The following AJAP1 variants were observed in gnomAD, a reference collection of about 807,000 sequenced individuals.
AJAP1 encodes the protein adherens junctions associated protein 1.
A neutral mutation model predicts 35.0 loss-of-function variants in AJAP1; 5 were observed. That is an observed-to-expected ratio of 0.14 (90% CI 0.07 to 0.30). The LOEUF is 0.30. AJAP1 is among the 10% of genes least tolerant of loss of function. The pLI is 1.00. For missense variants in AJAP1, 586 were observed against 571.0 expected (o/e 1.03, Z -0.27); for synonymous variants, 284 against 249.3 (o/e 1.14, Z -1.31).
intron 1 of AJAP1, among the ~76,000 whole-genome samples, chr1:4,698,801 C>T (rs999568237): frequency 6.6e-6 from 1 of 152,198 alleles, no homozygotes; most frequent in Non-Finnish European, 1.5e-5. Flanking sequence ...GTGTGCCCTC[C>T]GATGTGCCAG....
chr1:4,712,266 TTCGTCCTCGTCC>T lies in AJAP1; in HGVS notation c.405_416del (p.Ser136_Ser139del). ...CCAAATCCAGCCCTTCCCTCGCCTCTTCGTCCTCGTCCTCGTCCTCCGCGGTGGCCGGTGGGG... is the reference window on the plus strand; with the variant it reads ...CCAAATCCAGCCCTTCCCTCGCCTCTTCGTCCTCCGCGGTGGCCGGTGGGG... On this transcript the variant is annotated inframe_deletion, in exon 2 of 6. Transcript: ENST00000378191. 6.6e-7 allele frequency: 1 copy of T among 1,522,648 alleles called. No homozygotes were observed. The highest frequency in any genetic ancestry group is 8.8e-7 in the Non-Finnish European group (1 of 1,139,636). The allele number at this position is 1,522,648 out of a possible 1,614,324, so 94.3% of individuals were successfully genotyped here.
intron 2 of AJAP1, among the ~76,000 whole-genome samples, chr1:4,740,522 A>C (rs1170099159): frequency 6.6e-6 from 1 of 151,844 alleles, no homozygotes; most frequent in East Asian, 1.9e-4. Flanking sequence ...ACGGTGGCTC[A>C]CGCCTGTCAT....
intron 2 of AJAP1, among the ~76,000 whole-genome samples, chr1:4,743,927 AGAGCTCTCCAG>A (rs1184702318): frequency 8.9e-5 from 8 of 89,476 alleles, no homozygotes; most frequent in African/African-American, 3.3e-4. Context: ...CATCACTGAG[AGAGCTCTCCAG>A]GCTCTCCAGG....
rs1394322608 is a variant in AJAP1 at position 4,791,785 on chromosome 1, A to G, written c.*9300A>G. 2 of 152,222 alleles carry G rather than the reference A, an allele frequency of 1.3e-5. No homozygotes were observed. Among genetic ancestry groups the G allele is most frequent in the Non-Finnish European group, 2.9e-5 (2 of 68,054 alleles). The allele number at this position is 152,222 out of a possible 1,614,324, so 9.4% of individuals were successfully genotyped here. A position where few individuals can be genotyped will look rare whatever the true frequency, so the allele number is the denominator to read the frequency against. On this transcript the variant is annotated 3_prime_UTR_variant, in exon 6 of 6. Transcript: ENST00000378191. ...TCTGTCTAAGAGTCACAGATCTGAG[A>G]AATAGAAGGACCAGGTCCGTGTGGA...
intron 1 of AJAP1, among the ~76,000 whole-genome samples, chr1:4,688,362 A>G (rs761853177): frequency 6.6e-6 from 1 of 152,224 alleles, no homozygotes; most frequent in African/African-American, 2.4e-5. Context: ...TGTGAGAAAC[A>G]TAACTATTCC....
rs940694392 is a variant in AJAP1, at chr1:4,790,919, T to C, written c.*8434T>C. The C allele has an allele frequency of 6.8e-6, 1 of 146,544 alleles. No homozygotes were observed. Among genetic ancestry groups the C allele is most frequent in the African/African-American group, 2.5e-5 (1 of 39,732 alleles). The allele number at this position is 146,544 out of a possible 1,614,324, so 9.1% of individuals were successfully genotyped here. On this transcript the variant is annotated 3_prime_UTR_variant, in exon 6 of 6. Coordinates refer to ENST00000378191, the MANE Select transcript of AJAP1 (RefSeq NM_018836.4). ...GTCTTCTCAGAAGTGTTTCTGTTTT[T>C]TTGTTTTTGTTTTTGTTTTTGTTTT...
chr1:4,699,876 C>T (rs922425429), intron 1 of AJAP1, among the ~76,000 whole-genome samples: 3 of 152,240 alleles, frequency 2.0e-5, no homozygotes, highest in Non-Finnish European at 2.9e-5. Context: ...GAGACAATTC[C>T]TGTGAGATGC....
At chr1:4,729,123 CATTA>C (rs1487768271) in intron 2 of AJAP1, among the ~76,000 whole-genome samples, 1 of 152,222 alleles carries the variant, frequency 6.6e-6, no homozygotes, top group Non-Finnish European at 1.5e-5. Context: ...AGAGACGGAT[CATTA>C]ATTAATAAAC....
chr1:4,726,401 A>G (rs1640660683), intron 2 of AJAP1, among the ~76,000 whole-genome samples: 1 of 152,142 alleles, frequency 6.6e-6, no homozygotes, highest in African/African-American at 2.4e-5. Flanking sequence ...AATTTAGGGA[A>G]GTTGACCCCA....
At chr1:4,701,447 G>A (rs1158125021) in intron 1 of AJAP1, among the ~76,000 whole-genome samples, 1 of 152,176 alleles carries the variant, frequency 6.6e-6, no homozygotes, top group Admixed American at 6.5e-5. Flanking sequence ...CAGCCATGGA[G>A]AGCTGCATGG....
chr1:4,688,315 GGA>G (rs1639656073), intron 1 of AJAP1, among the ~76,000 whole-genome samples: 1 of 152,150 alleles, frequency 6.6e-6, no homozygotes, highest in Non-Finnish European at 1.5e-5. Flanking sequence ...AGTGAGAGAG[GGA>G]GAGAGAGACT....
At chr1:4,761,204 C>A (rs1557643715) in intron 2 of AJAP1, among the ~76,000 whole-genome samples, 1 of 152,186 alleles carries the variant, frequency 6.6e-6, no homozygotes, top group Admixed American at 6.5e-5. Context: ...GCTGAGAATC[C>A]CAGATTTGAA....
At chr1:4,767,657 A>G (rs1043316334) in intron 2 of AJAP1, among the ~76,000 whole-genome samples, 4 of 151,986 alleles carry the variant, frequency 2.6e-5, no homozygotes, top group Non-Finnish European at 5.9e-5. Flanking sequence ...CACCACCATC[A>G]TCATCACTAT....
At chr1:4,719,787 C>T (rs1283662017) in intron 2 of AJAP1, among the ~76,000 whole-genome samples, 1 of 152,134 alleles carries the variant, frequency 6.6e-6, no homozygotes, top group African/African-American at 2.4e-5. Flanking sequence ...TCCCCTTCCC[C>T]GACTTGTCAT....
At chr1:4,676,404 C>T (rs1327331777) in intron 1 of AJAP1, among the ~76,000 whole-genome samples, 1 of 152,166 alleles carries the variant, frequency 6.6e-6, no homozygotes, top group African/African-American at 2.4e-5. Context: ...GGGTGCATCA[C>T]AGAACGTGAA....
Position 4,776,936 on chromosome 1 carries a change from G to A in AJAP1, c.*59+2378G>A, listed in dbSNP as rs376467637. ...GCTGCGCTCAGCCTGGGAATCTGCC[G>A]ACACGAAGCCACGGCCCACTCCTGG... is the stretch of plus-strand genomic sequence containing the variant. On this transcript the variant is annotated intron_variant, in intron 5 of 5. Coordinates refer to ENST00000378191, the MANE Select transcript of AJAP1 (RefSeq NM_018836.4). Among the ~76,000 whole-genome samples, 94 of 152,228 alleles carry A rather than the reference G, an allele frequency of 6.2e-4. 1 individual carries two copies. Among genetic ancestry groups the A allele is most frequent in the African/African-American group, 1.8e-3 (73 of 41,462 alleles).
chr1:4,743,972 T>C (rs1031401113), intron 2 of AJAP1, among the ~76,000 whole-genome samples: 2 of 151,592 alleles, frequency 1.3e-5, no homozygotes, highest in African/African-American at 4.9e-5. Flanking sequence ...GATGCGGAGG[T>C]GAAGTGATGT....
intron 1 of AJAP1, among the ~76,000 whole-genome samples, chr1:4,686,858 G>T (rs1192617987): frequency 1.3e-5 from 2 of 152,180 alleles, no homozygotes; most frequent in African/African-American, 4.8e-5. Context: ...TCCGTTCTCT[G>T]ATGCACTCAC....
intron 2 of AJAP1, among the ~76,000 whole-genome samples, chr1:4,742,103 G>T (rs1420269604): frequency 1.3e-5 from 2 of 152,126 alleles, no homozygotes; most frequent in Non-Finnish European, 2.9e-5. Context: ...TTAAAGAGTG[G>T]GTGAACGTTG....
Sources: allele counts gnomAD v4.1 joint callset (sites outside exome capture counted in the v4.1 genomes callset), GRCh38; gene constraint gnomAD v4.1.1; transcripts MANE v1.5; gene names NCBI Gene and HGNC (gene_info 2026-07-23, HGNC 2026-07-21).